The following VPS13B variants were observed in gnomAD, a reference collection of about 807,000 sequenced individuals.
The protein encoded by VPS13B is vacuolar protein sorting 13 homolog B.
In VPS13B, 285 loss-of-function variants were observed where a neutral mutation model predicts 426.4. That is an observed-to-expected ratio of 0.67 (90% CI 0.61 to 0.74). The LOEUF (loss-of-function observed/expected upper bound fraction) is 0.74, where lower values mean the gene tolerates loss of function less well. VPS13B is among the 30% of genes least tolerant of loss of function. VPS13B has a pLI of 0.00. For synonymous variants in VPS13B, 1,676 were observed against 1,676.4 expected (o/e 1.00, Z 0.01); for missense variants, 4,537 against 4,782.6 (o/e 0.95, Z 1.51).
intron 44 of VPS13B, among the ~76,000 whole-genome samples, chr8:99,809,732 C>T (rs1353740383): frequency 6.6e-6 from 1 of 152,192 alleles, no homozygotes; most frequent in Non-Finnish European, 1.5e-5. Flanking sequence ...ACTTCTTTTA[C>T]AAGAGCTGCT....
At position 99,137,531 on chromosome 8, in the gene VPS13B, T is replaced by TA. The variant is rs370122219; in HGVS notation, c.1651+794dup. Among the ~76,000 whole-genome samples the TA allele has an allele frequency of 9.0e-3, 1,228 of 137,064 alleles. 6 individuals are homozygous for TA. The highest frequency in any genetic ancestry group is 0.027 in the South Asian group (116 of 4,318). The allele number at this position is 137,064 out of a possible 152,430, so 89.9% of individuals were successfully genotyped here. On this transcript the variant is annotated intron_variant, in intron 12 of 61. Transcript: ENST00000357162. ...TAGTATAGAGAACTAGAAGTGTGGG[T>TA]AAAAAAAAAAAAAAATGACAACTTT...
chr8:99,338,939 TATA>T (rs1811081351), intron 19 of VPS13B, among the ~76,000 whole-genome samples: 1 of 152,154 alleles, frequency 6.6e-6, no homozygotes, highest in African/African-American at 2.4e-5. Flanking sequence ...TAGAGAATAA[TATA>T]ATGAGTATCA....
At chr8:99,556,799 T>C (rs1327767045) in intron 31 of VPS13B, 146 bp downstream of exon 31, 1 of 903,920 alleles carries the variant, frequency 1.1e-6, no homozygotes, top group Non-Finnish European at 1.7e-6. Context: ...TATTTTGTAA[T>C]TGTAGCTGAT....
chr8:99,520,610 T>C (rs1160072040), intron 29 of VPS13B, among the ~76,000 whole-genome samples: 5 of 152,040 alleles, frequency 3.3e-5, no homozygotes, highest in African/African-American at 1.2e-4. Flanking sequence ...TCAATATTAC[T>C]TATATATATT....
At chr8:99,295,882 A>C (rs1056850990) in intron 19 of VPS13B, among the ~76,000 whole-genome samples, 7 of 152,114 alleles carry the variant, frequency 4.6e-5, no homozygotes, top group African/African-American at 1.7e-4. Flanking sequence ...AATTTAAAAA[A>C]ATTAGCTGGG....
At chr8:99,148,537 G>T (rs536141344) in intron 14 of VPS13B, among the ~76,000 whole-genome samples, 1 of 152,054 alleles carries the variant, frequency 6.6e-6, no homozygotes, top group Admixed American at 6.5e-5. Context: ...AAATGTTGAA[G>T]AATATGGGCC....
At chr8:99,013,578 A>G (rs918210469) in intron 1 of VPS13B, among the ~76,000 whole-genome samples, 182 bp from the exon 2 acceptor site, 6 of 152,078 alleles carry the variant, frequency 3.9e-5, no homozygotes, top group African/African-American at 1.4e-4. Context: ...TCGCTTGGCG[A>G]AGGGTGTTGT....
intron 34 of VPS13B, among the ~76,000 whole-genome samples, chr8:99,658,445 T>G (rs1830099251): frequency 6.6e-6 from 1 of 152,186 alleles, no homozygotes; most frequent in African/African-American, 2.4e-5. Flanking sequence ...CTTGCTTTTT[T>G]TCCCCTGTTA....
At chr8:99,692,868 C>G (rs932808937) in intron 35 of VPS13B, among the ~76,000 whole-genome samples, 1 of 146,168 alleles carries the variant, frequency 6.8e-6, no homozygotes, top group Non-Finnish European at 1.5e-5. Context: ...GGGATATCAC[C>G]ACCGATCCCA....
chr8:99,577,621 C>A lies in VPS13B; in HGVS notation c.5208C>A (p.Asn1736Lys). ...VANMTGLEPS[N>K]KAAEISKQEQ... ...ATATGACTGGACTGGAACCATCAAA[C>A]AAGGCTGCAGAGGTAACTGTTACCT... Residue 1736 changes from asparagine to lysine, a missense_variant, in exon 33 of 62, where the codon AAC becomes AAA. Asn to Lys is a moderately conservative substitution (Grantham distance 94, BLOSUM62 0). Coordinates refer to ENST00000357162, the MANE Select transcript of VPS13B (RefSeq NM_152564.5). 1 of 1,613,612 alleles carries A rather than the reference C, an allele frequency of 6.2e-7. No homozygotes were observed. Among genetic ancestry groups the A allele is most frequent in the East Asian group, 2.2e-5 (1 of 44,858 alleles).
At chr8:99,302,981 T>G (rs1820443876) in intron 19 of VPS13B, among the ~76,000 whole-genome samples, 1 of 151,942 alleles carries the variant, frequency 6.6e-6, no homozygotes. Context: ...CTTTGTTGTT[T>G]AAAACTAGTT....
chr8:99,256,758 C>G (rs1306329750), intron 17 of VPS13B, among the ~76,000 whole-genome samples: 1 of 151,926 alleles, frequency 6.6e-6, no homozygotes, highest in African/African-American at 2.4e-5. Flanking sequence ...TTATTTAGGT[C>G]TAGAGATTAT....
intron 23 of VPS13B, among the ~76,000 whole-genome samples, chr8:99,451,699 G>A (rs569458641): frequency 6.6e-6 from 1 of 152,126 alleles, no homozygotes; most frequent in East Asian, 1.9e-4. Context: ...CATGTTCCTG[G>A]AACCCTGTAT....
chr8:99,762,572 A>G (rs1563905198), intron 39 of VPS13B, among the ~76,000 whole-genome samples: 1 of 152,206 alleles, frequency 6.6e-6, no homozygotes, highest in East Asian at 1.9e-4. Context: ...ATCCAGATTC[A>G]TAGTTTATTA....
intron 43 of VPS13B, among the ~76,000 whole-genome samples, chr8:99,807,130 G>A (rs1477601984): frequency 1.3e-5 from 2 of 152,164 alleles, no homozygotes. Flanking sequence ...TAATTTTCCT[G>A]TGTGAACTAA....
At position 99,193,092 on chromosome 8, in the gene VPS13B, A is replaced by C. The variant is rs186874468; in HGVS notation, c.2515+35A>C. ...CAGTCTTTTTGATAACTATATGGAA[A>C]ATTTGTGTTAGAGGCAACTAATATT... is the stretch of plus-strand genomic sequence containing the variant. On this transcript the variant is annotated intron_variant, in intron 17 of 61. Coordinates refer to ENST00000357162, the MANE Select transcript of VPS13B (RefSeq NM_152564.5). 363 of 1,608,026 alleles carry C rather than the reference A, an allele frequency of 2.3e-4. No homozygotes were observed. In the African/African-American group the frequency reaches 3.9e-3, roughly 17 times the overall value.
At chr8:99,585,645 C>T (rs1427219447) in intron 33 of VPS13B, among the ~76,000 whole-genome samples, 3 of 151,962 alleles carry the variant, frequency 2.0e-5, no homozygotes, top group Non-Finnish European at 4.4e-5. Context: ...ATAATAAAAA[C>T]ATGCAAAAAA....
At chr8:99,388,652 T>C (rs966592230) in intron 20 of VPS13B, among the ~76,000 whole-genome samples, 1 of 152,224 alleles carries the variant, frequency 6.6e-6, no homozygotes, top group African/African-American at 2.4e-5. Flanking sequence ...GGTAGCCATA[T>C]TTCTAGAATA....
At chr8:99,216,769 A>C (rs1479023505) in intron 17 of VPS13B, among the ~76,000 whole-genome samples, 2 of 152,094 alleles carry the variant, frequency 1.3e-5, no homozygotes, top group Non-Finnish European at 2.9e-5. Context: ...TAATTTCATT[A>C]CATTTTAAAG....
Sources: allele counts gnomAD v4.1 joint callset (sites outside exome capture counted in the v4.1 genomes callset), GRCh38; gene constraint gnomAD v4.1.1; transcripts MANE v1.5; gene names NCBI Gene and HGNC (gene_info 2026-07-23, HGNC 2026-07-21).